Variants in SIAE observed in about 807,000 individuals in gnomAD.
SIAE encodes the protein sialate O-acetylesterase.
Under a neutral mutation model 52.6 loss-of-function variants are expected in SIAE, and 39 were observed. The observed-to-expected ratio is 0.74, with a 90% confidence interval of 0.57 to 0.97. SIAE has a LOEUF of 0.97. Among genes scored for constraint, SIAE ranks in the 50% least tolerant of loss-of-function variants. SIAE has a pLI of 0.00. For missense variants in SIAE, 592 were observed against 662.1 expected, an observed-to-expected ratio of 0.89 and a Z score of 1.16; for synonymous variants, 233 against 241.4, an observed-to-expected ratio of 0.97 and a Z score of 0.32.
At position 124,635,166 on chromosome 11, in the gene SIAE, T is replaced by C. The variant is rs1408024285; in HGVS notation, c.*1785A>G. 6.6e-6 allele frequency: 1 copy of C among 152,158 alleles called. No individual in the cohort carries two copies. The highest frequency in any genetic ancestry group is 1.5e-5 in the Non-Finnish European group (1 of 68,032). 9.4% of individuals were successfully genotyped at this position (152,158 alleles called of 1,614,324 possible). ...CGAATTAGAACAGCCCATGGGGGTA[T>C]GTGTATTGGGAGTGGAGGAGTGGAC... On this transcript the variant is annotated 3_prime_UTR_variant, in exon 10 of 10. Coordinates refer to ENST00000263593, the MANE Select transcript of SIAE (RefSeq NM_170601.5).
At position 124,636,022 on chromosome 11, in the gene SIAE, T is replaced by G. The variant is rs1942730616; in HGVS notation, c.*929A>C. 2.0e-5 allele frequency: 3 copies of G among 152,174 alleles called. No homozygotes were observed. Among genetic ancestry groups the G allele is most frequent in the Admixed American group, 2.0e-4 (3 of 15,280 alleles). 9.4% of individuals were successfully genotyped at this position (152,174 alleles called of 1,614,324 possible). A position where few individuals can be genotyped will look rare whatever the true frequency, so the allele number is the denominator to read the frequency against. On this transcript the variant is annotated 3_prime_UTR_variant, in exon 10 of 10. Coordinates refer to ENST00000263593, the MANE Select transcript of SIAE (RefSeq NM_170601.5). ...CTTCCAAATGGATTATCCTTAAACC[T>G]TTTACCTTTAAAGAGCCTGAGATTT... is the stretch of plus-strand genomic sequence containing the variant.
chr11:124,652,450 G>A (rs577154429), intron 4 of SIAE, among the ~76,000 whole-genome samples: 1 of 152,256 alleles, frequency 6.6e-6, no homozygotes, highest in South Asian at 2.1e-4. Flanking sequence ...CACTTTGGGA[G>A]TGTGAGGCAG....
chr11:124,671,352 G>T (rs1433617867), intron 1 of SIAE, among the ~76,000 whole-genome samples: 1 of 151,820 alleles, frequency 6.6e-6, no homozygotes, highest in Non-Finnish European at 1.5e-5. Context: ...AAGCATTGGG[G>T]ATATAACGAT....
At position 124,633,131 on chromosome 11, in the gene SIAE, T is replaced by G. The variant is rs977846106; in HGVS notation, c.*3820A>C. 1 of 136,674 alleles carries G rather than the reference T, an allele frequency of 7.3e-6. No homozygotes were observed. Among genetic ancestry groups the G allele is most frequent in the African/African-American group, 3.6e-5 (1 of 27,584 alleles). The allele number at this position is 136,674 out of a possible 1,614,324, so 8.5% of individuals were successfully genotyped here. ...CCTTCAAGGGGATCTTTAACCTCTT[T>G]AACCTTTGTATTGCACCTCAGATAA... On this transcript the variant is annotated 3_prime_UTR_variant, in exon 10 of 10. Coordinates refer to ENST00000263593, the MANE Select transcript of SIAE (RefSeq NM_170601.5).
At chr11:124,675,023 A>C (rs909801621), upstream of SIAE, 2 of 331,138 alleles carry the variant, frequency 6.0e-6, no homozygotes, top group African/African-American at 4.3e-5. Context: ...ATTTTAAATG[A>C]TTTGGCCTAG....
At chr11:124,655,097 C>T (rs1943075996) in intron 3 of SIAE, among the ~76,000 whole-genome samples, 1 of 152,044 alleles carries the variant, frequency 6.6e-6, no homozygotes, top group African/African-American at 2.4e-5. Flanking sequence ...ACTTACAACA[C>T]TCTGATACCT....
chr11:124,647,079 G>C (rs1250525435), intron 7 of SIAE, among the ~76,000 whole-genome samples: 1 of 151,882 alleles, frequency 6.6e-6, no homozygotes, highest in Non-Finnish European at 1.5e-5. Flanking sequence ...CTTCTTTTTT[G>C]CTTATCTTTT....
At position 124,670,067 on chromosome 11, in the gene SIAE, C is replaced by G. The variant is rs1248049266; in HGVS notation, c.68-546G>C. On this transcript the variant is annotated intron_variant, in intron 1 of 9. Coordinates refer to ENST00000263593, the MANE Select transcript of SIAE (RefSeq NM_170601.5). The surrounding 1 kb of genome is among the most constrained non-coding windows in gnomAD (Gnocchi z 4.5). ...ATGCCAATTTCCTTCAAATAATGCC[C>G]CTTATCATGGTTTTTTGACAACCCA... Among the ~76,000 whole-genome samples, 1 of 152,124 alleles carries G rather than the reference C, an allele frequency of 6.6e-6. No homozygotes were observed. Among genetic ancestry groups the G allele is most frequent in the African/African-American group, 2.4e-5 (1 of 41,426 alleles).
intron 3 of SIAE, among the ~76,000 whole-genome samples, chr11:124,656,205 C>A (rs184798717): frequency 4.6e-5 from 7 of 152,260 alleles, no homozygotes; most frequent in East Asian, 1.9e-4. Flanking sequence ...GGATACTCAA[C>A]CCGTATGTAT....
chr11:124,640,003 G>T, intron 7 of SIAE, 136 bp from the exon 8 acceptor site: 1 of 1,061,312 alleles, frequency 9.4e-7, no homozygotes, highest in Non-Finnish European at 1.4e-6. Context: ...GCTTCTTACT[G>T]TTGTGGCAGT....
rs763448577 is a variant in SIAE at position 124,648,184 on chromosome 11, A to G, written c.723-9T>C. On this transcript the variant is annotated splice_polypyrimidine_tract_variant and intron_variant, in intron 5 of 9. Coordinates refer to ENST00000263593, the MANE Select transcript of SIAE (RefSeq NM_170601.5). ...AATCGTATGGAATGGACCTGAAATC[A>G]TATGATGCACAAGTGTCACCAGAGA... is the stretch of plus-strand genomic sequence containing the variant. 6.2e-6 allele frequency: 10 copies of G among 1,604,234 alleles called. No homozygotes were observed. The highest frequency in any genetic ancestry group is 7.7e-6 in the Non-Finnish European group (9 of 1,171,236).
chr11:124,667,963 C>T (rs1303537732), intron 2 of SIAE, among the ~76,000 whole-genome samples: 3 of 152,204 alleles, frequency 2.0e-5, no homozygotes, highest in Non-Finnish European at 2.9e-5. Context: ...CCCACCACCT[C>T]TATCTTACTG....
Position 124,670,038 on chromosome 11 carries a change from A to C in SIAE, c.68-517T>G, listed in dbSNP as rs73031445. ...TTCTCTATCTCCCCTTTTCTATGCC[A>C]CTAATGCCAATTTCCTTCAAATAAT... On this transcript the variant is annotated intron_variant, in intron 1 of 9. Transcript: ENST00000263593. This position sits in a 1 kb window ranked among gnomAD's most constrained non-coding sequence, Gnocchi z 4.5. 9.5e-3 allele frequency among the ~76,000 whole-genome samples: 1,453 copies of C among 152,202 alleles called. 10 individuals are homozygous for C. Among genetic ancestry groups the C allele is most frequent in the Non-Finnish European group, 0.016 (1,067 of 68,004 alleles).
At chr11:124,675,360 G>C (rs775824867), upstream of SIAE, 1 of 1,614,150 alleles carries the variant, frequency 6.2e-7, no homozygotes, top group Non-Finnish European at 8.5e-7. Context: ...GAGAGCAACC[G>C]GACAATATAC....
chr11:124,660,587 T>C, intron 3 of SIAE, 41 bp downstream of exon 3: 1 of 1,608,528 alleles, frequency 6.2e-7, no homozygotes, highest in Non-Finnish European at 8.5e-7. Context: ...TCCTTCTTCA[T>C]CACCAACACT....
chr11:124,651,287 C>G (rs1424458865), intron 4 of SIAE, among the ~76,000 whole-genome samples: 1 of 152,110 alleles, frequency 6.6e-6, no homozygotes, highest in African/African-American at 2.4e-5. Flanking sequence ...GTGGCTCATG[C>G]CTGTAATCCC....
At chr11:124,646,310 A>G (rs1942933555) in intron 7 of SIAE, among the ~76,000 whole-genome samples, 1 of 152,200 alleles carries the variant, frequency 6.6e-6, no homozygotes, top group Non-Finnish European at 1.5e-5. Context: ...AATCAACTAC[A>G]TACGTACTAG....
intron 6 of SIAE, 103 bp from the exon 7 acceptor site, chr11:124,647,601 A>T (rs1318198964): frequency 3.6e-6 from 5 of 1,405,012 alleles, no homozygotes; most frequent in Non-Finnish European, 4.0e-6. Flanking sequence ...TGGTCTTCCC[A>T]CGGTCTCTCT....
At chr11:124,673,976 C>G, upstream of SIAE, 1 of 541,994 alleles carries the variant, frequency 1.8e-6, no homozygotes, top group East Asian at 3.1e-5. Context: ...CCCACTTCCT[C>G]TCCGATACCA....
Sources: gnomAD v4.1 joint callset for allele counts (sites outside exome capture counted in the v4.1 genomes callset) on GRCh38, gnomAD v4.1.1 for gene constraint, Gnocchi (gnomAD v3.1) non-coding constraint, MANE v1.5 for transcripts, NCBI Gene and HGNC (gene_info 2026-07-23, HGNC 2026-07-21) for gene names.